ANKIB1: variants seen among roughly 807,000 people sequenced by gnomAD.
ANKIB1 encodes the protein ankyrin repeat and IBR domain-containing protein 1.
ANKIB1 carries 43 observed loss-of-function variants against 122.1 expected under a neutral mutation model. The ratio of observed to expected loss-of-function variants is 0.35; its 90% CI spans 0.28 to 0.45. The LOEUF (loss-of-function observed/expected upper bound fraction) is 0.45, where lower values mean the gene tolerates loss of function less well. Among genes scored for constraint, ANKIB1 ranks in the 20% least tolerant of loss-of-function variants. ANKIB1 has a pLI of 1.00. For synonymous variants in ANKIB1, 390 were observed against 442.0 expected (o/e 0.88, Z 1.48); for missense variants, 992 against 1,329.5 (o/e 0.75, Z 3.95).
intron 5 of ANKIB1, 63 bp from the exon 6 acceptor site, chr7:92,342,961 A>G: frequency 6.8e-7 from 1 of 1,471,086 alleles, no homozygotes; most frequent in Non-Finnish European, 9.5e-7. Context: ...TTGTTATTAT[A>G]TAGCTTTTAT....
intron 12 of ANKIB1, among the ~76,000 whole-genome samples, chr7:92,387,198 GC>G (rs1249042052): frequency 1.3e-5 from 2 of 151,984 alleles, no homozygotes; most frequent in Non-Finnish European, 2.9e-5. Flanking sequence ...TCAGAATAGG[GC>G]CCCACCCTGA....
intron 9 of ANKIB1, among the ~76,000 whole-genome samples, chr7:92,357,560 C>A (rs1803843867): frequency 6.6e-6 from 1 of 151,782 alleles, no homozygotes; most frequent in South Asian, 2.1e-4. Flanking sequence ...CATGGTGAAA[C>A]CCTGTCTCTA....
intron 1 of ANKIB1, among the ~76,000 whole-genome samples, chr7:92,275,265 G>T (rs979227425): frequency 3.9e-5 from 6 of 151,962 alleles, no homozygotes; most frequent in Non-Finnish European, 2.9e-5. Context: ...TATTGACTAA[G>T]TTTTCATTTT....
chr7:92,327,800 G>C lies in ANKIB1; in HGVS notation c.687G>C (p.Arg229Ser), dbSNP rs746594666. The C allele has an allele frequency of 1.7e-5, 27 of 1,575,832 alleles. No individual in the cohort carries two copies. Among genetic ancestry groups the C allele is most frequent in the Non-Finnish European group, 2.2e-5 (26 of 1,168,726 alleles). The change falls in exon 5 of 20, where the codon AGG (arginine) becomes AGC (serine). Residue 229 changes from arginine (R) to serine (S), a missense_variant. Around this residue, in one of 4 missense-constraint regions of ANKIB1, gnomAD observed 521 missense variants for 777.7 expected, o/e 0.67. Coordinates refer to ENST00000265742, the MANE Select transcript of ANKIB1 (RefSeq NM_019004.2). ...LDKREPYEGL[R>S]PQDLRRLKDM... ...TTTCAAAGCCATATGAAGGATTAAG[G>C]CCTCAGGATCTTCGTAGACTAAAAG...
chr7:92,379,322 G>T (rs979298054), intron 11 of ANKIB1, among the ~76,000 whole-genome samples: 1 of 152,168 alleles, frequency 6.6e-6, no homozygotes, highest in Non-Finnish European at 1.5e-5. Context: ...AACCTGGGAG[G>T]CAGAGCTTGC....
chr7:92,293,775 A>G (rs1368331527), intron 1 of ANKIB1, among the ~76,000 whole-genome samples: 1 of 152,156 alleles, frequency 6.6e-6, no homozygotes, highest in African/African-American at 2.4e-5. Context: ...CTCTATTCAT[A>G]CTTAACTGTT....
chr7:92,281,830 T>TA (rs1166819547), intron 1 of ANKIB1, among the ~76,000 whole-genome samples: 1 of 152,194 alleles, frequency 6.6e-6, no homozygotes, highest in Non-Finnish European at 1.5e-5. Context: ...TCTTTGTAGT[T>TA]AGTTTGAGAA....
At chr7:92,364,218 CAGG>C (rs897399081) in intron 10 of ANKIB1, among the ~76,000 whole-genome samples, 6 of 144,322 alleles carry the variant, frequency 4.2e-5, no homozygotes, top group African/African-American at 1.5e-4. Flanking sequence ...GAGGCTAAGG[CAGG>C]AGAATCGCTT....
chr7:92,246,730 C>T (rs906394680), intron 1 of ANKIB1, among the ~76,000 whole-genome samples: 1 of 152,204 alleles, frequency 6.6e-6, no homozygotes. Flanking sequence ...ATTTGCAAGC[C>T]TCCGGGTCTC....
chr7:92,328,485 G>A (rs932196542), intron 5 of ANKIB1, among the ~76,000 whole-genome samples: 6 of 152,016 alleles, frequency 3.9e-5, no homozygotes. Context: ...TTTCCTAAGT[G>A]CTCAGTTTAA....
chr7:92,391,814 G>C (rs1804792371), intron 16 of ANKIB1, among the ~76,000 whole-genome samples: 1 of 151,988 alleles, frequency 6.6e-6, no homozygotes, highest in South Asian at 2.1e-4. Context: ...CTAAAGATCA[G>C]TTGAGTTGTA....
intron 6 of ANKIB1, among the ~76,000 whole-genome samples, chr7:92,344,519 A>G (rs1359197847): frequency 6.6e-6 from 1 of 152,058 alleles, no homozygotes. Flanking sequence ...ACTTAGTTTT[A>G]TAGCAGGGTT....
chr7:92,297,783 A>G (rs1802386230), intron 2 of ANKIB1, among the ~76,000 whole-genome samples: 1 of 151,994 alleles, frequency 6.6e-6, no homozygotes, highest in Admixed American at 6.6e-5. Flanking sequence ...TTTCTACATT[A>G]TATTCTATTT....
chr7:92,367,335 T>C (rs758895626), intron 10 of ANKIB1, among the ~76,000 whole-genome samples: 15 of 152,246 alleles, frequency 9.9e-5, no homozygotes, highest in Non-Finnish European at 8.8e-5. Flanking sequence ...TGGCCACTTA[T>C]GTTTATGAAA....
chr7:92,391,136 T>G, intron 15 of ANKIB1, 30 bp from the exon 16 acceptor site: 1 of 1,552,322 alleles, frequency 6.4e-7, no homozygotes, highest in Non-Finnish European at 8.8e-7. Flanking sequence ...ATGAAGCCTG[T>G]GATTTTTTTT....
chr7:92,371,950 G>GGTGTGTGT lies in ANKIB1; in HGVS notation c.1617+398_1617+405dup, dbSNP rs55936298. On this transcript the variant is annotated intron_variant, in intron 11 of 19. Coordinates refer to ENST00000265742, the MANE Select transcript of ANKIB1 (RefSeq NM_019004.2). ...TCCCCAGTGAGAGTCTTGAGAGAGG[G>GGTGTGTGT]GTGTGTGTGTGTGTGTGTGTGTGTG... 5.0e-3 allele frequency among the ~76,000 whole-genome samples: 591 copies of GGTGTGTGT among 118,122 alleles called. 5 individuals are homozygous for GGTGTGTGT. Among genetic ancestry groups the GGTGTGTGT allele is most frequent in the East Asian group, 0.012 (44 of 3,650 alleles). The allele number at this position is 118,122 out of a possible 152,430, so 77.5% of individuals were successfully genotyped here.
In ANKIB1 at chr7:92,327,489, C is replaced by T. The variant is rs138404649; in HGVS notation, c.670-294C>T. ...TTTGCATATAACCTATGCATATCCTCCCATATACTTTAAATCATCTCTAGG... is the reference window on the plus strand; with the variant it reads ...TTTGCATATAACCTATGCATATCCTTCCATATACTTTAAATCATCTCTAGG... On this transcript the variant is annotated intron_variant, in intron 4 of 19. Transcript: ENST00000265742. Among the ~76,000 whole-genome samples, 423 of 152,240 alleles carry T rather than the reference C, an allele frequency of 2.8e-3. 2 individuals are homozygous for T. Among genetic ancestry groups the T allele is most frequent in the African/African-American group, 9.5e-3 (395 of 41,550 alleles).
At chr7:92,286,911 A>C (rs1802141205) in intron 1 of ANKIB1, among the ~76,000 whole-genome samples, 2 of 152,212 alleles carry the variant, frequency 1.3e-5, no homozygotes. Context: ...ACAACTTCTC[A>C]ACACCTCTGT....
At chr7:92,312,330 C>G (rs926674440) in intron 3 of ANKIB1, among the ~76,000 whole-genome samples, 2 of 152,102 alleles carry the variant, frequency 1.3e-5, no homozygotes, top group Admixed American at 1.3e-4. Context: ...ATTAGAAATG[C>G]TTATATGATA....
Sources: gnomAD v4.1 joint callset for allele counts (sites outside exome capture counted in the v4.1 genomes callset) on GRCh38, gnomAD v4.1.1 for gene constraint, gnomAD v4.1.1 regional missense constraint, MANE v1.5 for transcripts, NCBI Gene and HGNC (gene_info 2026-07-23, HGNC 2026-07-21) for gene names.